The following PREPL variants were observed in gnomAD, a reference collection of about 807,000 sequenced individuals.
PREPL encodes the protein prolyl endopeptidase like.
A neutral mutation model predicts 70.6 loss-of-function variants in PREPL; 77 were observed. The observed-to-expected ratio is 1.09, with a 90% CI of 0.91 to 1.32. PREPL has a LOEUF of 1.32. Among genes scored for constraint, PREPL ranks in the 40% most tolerant of loss-of-function variants. PREPL has a pLI of 0.00. For missense variants in PREPL, 1,002 were observed against 778.2 expected (o/e 1.29, Z -3.42); for synonymous variants, 315 against 264.8 (o/e 1.19, Z -1.84).
chr2:44,335,856 C>A (rs1572874307), intron 7 of PREPL, among the ~76,000 whole-genome samples: 1 of 150,460 alleles, frequency 6.6e-6, no homozygotes, highest in African/African-American at 2.4e-5. Flanking sequence ...CAAACAAAAA[C>A]AGAAAAAAAC....
At chr2:44,330,334 G>C (rs992752824) in intron 8 of PREPL, among the ~76,000 whole-genome samples, 29 of 152,206 alleles carry the variant, frequency 1.9e-4, no homozygotes, top group African/African-American at 5.8e-4. Flanking sequence ...CTTCCATTCA[G>C]CAGCTGCTTC....
intron 10 of PREPL, among the ~76,000 whole-genome samples, chr2:44,326,098 C>G (rs1010393891): frequency 2.0e-5 from 3 of 152,186 alleles, no homozygotes; most frequent in African/African-American, 7.2e-5. Flanking sequence ...TCACAGCGTG[C>G]TTTGCCTGGC....
chr2:44,339,814 G>A (rs1194803984), intron 5 of PREPL, among the ~76,000 whole-genome samples: 1 of 152,090 alleles, frequency 6.6e-6, no homozygotes, highest in Non-Finnish European at 1.5e-5. Flanking sequence ...GACACAAATA[G>A]GGAATAAAAG....
Position 44,321,298 on chromosome 2 carries a change from G to T in PREPL, c.*58C>A, listed in dbSNP as rs1007452120. On this transcript the variant is annotated 3_prime_UTR_variant, in exon 14 of 14. Coordinates refer to ENST00000409411, the MANE Select transcript of PREPL (RefSeq NM_001171613.2). ...TAATTTTTTTTTTGCTAACTCAATT[G>T]GAAGTAAGACTATGAAATATTTCAG... 3.0e-6 allele frequency: 4 copies of T among 1,346,806 alleles called. No individual in the cohort carries two copies. The highest frequency in any genetic ancestry group is 4.1e-6 in the Non-Finnish European group (4 of 965,706). The allele number at this position is 1,346,806 out of a possible 1,614,324, so 83.4% of individuals were successfully genotyped here.
chr2:44,321,415 C>T lies in PREPL; in HGVS notation c.1858G>A (p.Glu620Lys), dbSNP rs1444565367. The T allele has an allele frequency of 6.2e-7, 1 of 1,612,960 alleles. No homozygotes were observed. Among genetic ancestry groups the T allele is most frequent in the Non-Finnish European group, 8.5e-7 (1 of 1,179,268 alleles). The change falls in exon 14 of 14, where the codon GAA (glutamate) becomes AAA (lysine). Residue 620 changes from glutamate (E) to lysine (K), a missense_variant. By Grantham distance (56) the Glu-to-Lys change is moderately conservative (BLOSUM62 1). Transcript: ENST00000409411. Reference sequence around the variant, plus strand: ...ACACTGGTGCTGTCAAGTCCAAGTTCCTCGTACAGGAATTTAATTTGGGCT... The same window carrying T: ...ACACTGGTGCTGTCAAGTCCAAGTTTCTCGTACAGGAATTTAATTTGGGCT... ...ITAQIKFLYE[E>K]LGLDSTSVFE... is the part of the protein sequence containing the mutation.
chr2:44,354,548 T>C (rs1676803750), intron 1 of PREPL, among the ~76,000 whole-genome samples: 1 of 151,892 alleles, frequency 6.6e-6, no homozygotes. Flanking sequence ...TCCACTTTAC[T>C]AGTGAGTTAT....
At chr2:44,357,970 C>T (rs1175371684) in intron 1 of PREPL, among the ~76,000 whole-genome samples, 1 of 152,006 alleles carries the variant, frequency 6.6e-6, no homozygotes, top group Non-Finnish European at 1.5e-5. Flanking sequence ...AAGACTAAAA[C>T]ATAAACAGTA....
intron 7 of PREPL, among the ~76,000 whole-genome samples, chr2:44,335,982 T>A (rs777034733): frequency 4.6e-5 from 7 of 151,938 alleles, no homozygotes; most frequent in Non-Finnish European, 1.0e-4. Context: ...ATTAGAGGAA[T>A]GCAAATCTAA....
intron 7 of PREPL, among the ~76,000 whole-genome samples, chr2:44,333,418 C>T (rs540244277): frequency 1.3e-4 from 19 of 151,956 alleles, no homozygotes; most frequent in African/African-American, 4.6e-4. Context: ...GAAATGGTAC[C>T]GAGAGGCAGA....
chr2:44,336,604 A>G (rs1572876292), intron 7 of PREPL, among the ~76,000 whole-genome samples: 2 of 152,148 alleles, frequency 1.3e-5, no homozygotes, highest in East Asian at 3.8e-4. Context: ...GGGTGACAAA[A>G]TAATACGTAT....
chr2:44,340,417 T>C (rs535497012), intron 5 of PREPL, among the ~76,000 whole-genome samples: 44 of 152,288 alleles, frequency 2.9e-4, no homozygotes, highest in Non-Finnish European at 4.9e-4. Context: ...ATTTATATTT[T>C]TCCTTATTAT....
intron 8 of PREPL, among the ~76,000 whole-genome samples, chr2:44,331,656 TCTAGA>T (rs879750660): frequency 2.0e-5 from 3 of 152,196 alleles, no homozygotes; most frequent in Non-Finnish European, 4.4e-5. Flanking sequence ...CCCTGATCTC[TCTAGA>T]CTAGGTAAAA....
intron 7 of PREPL, among the ~76,000 whole-genome samples, chr2:44,335,934 C>T (rs372933633): frequency 2.6e-5 from 4 of 151,710 alleles, no homozygotes; most frequent in African/African-American, 9.7e-5. Flanking sequence ...TACATGCAGC[C>T]AACAAGCATA....
chr2:44,353,485 G>C (rs890766309), intron 1 of PREPL, among the ~76,000 whole-genome samples: 8 of 152,040 alleles, frequency 5.3e-5, no homozygotes, highest in African/African-American at 1.9e-4. Context: ...CTACTCGGGG[G>C]GCCTTGGCAG....
In PREPL at chr2:44,321,037, G is replaced by T; in HGVS notation, c.*319C>A. On this transcript the variant is annotated 3_prime_UTR_variant, in exon 14 of 14. Transcript: ENST00000409411. ...TAGCAAAGAGGCAGGACACTAATTT[G>T]TAAACTGCTCAACTGTTCTGACTGG... is the stretch of plus-strand genomic sequence containing the variant. 2.5e-6 allele frequency: 1 copy of T among 394,682 alleles called. No individual in the cohort carries two copies. The allele number at this position is 394,682 out of a possible 1,614,324, so 24.4% of individuals were successfully genotyped here.
intron 1 of PREPL, among the ~76,000 whole-genome samples, chr2:44,355,750 A>AC (rs1558521865): frequency 2.0e-4 from 13 of 63,434 alleles, no homozygotes; most frequent in African/African-American, 1.1e-3. Flanking sequence ...AAAACTACAT[A>AC]TTATATATAT....
chr2:44,331,828 C>G (rs532280626), intron 8 of PREPL, among the ~76,000 whole-genome samples: 1 of 152,258 alleles, frequency 6.6e-6, no homozygotes, highest in South Asian at 2.1e-4. Flanking sequence ...TCAACTACCA[C>G]CTTCACTATT....
rs781374553 is a variant in PREPL, at chr2:44,328,965, C to A, written c.1234G>T (p.Gly412Ter). The stretch of plus-strand genomic sequence containing the variant: ...ACATGGCAGTATGCTAATATCCATC[C>A]ATCATCCACCAGGACCCGCCTCTCA... ...RPERRVLVDD[G>*]WILAYCHVRG... The change falls in exon 9 of 14, where the codon GGA (glycine) becomes TGA (stop). Residue 412 changes from glycine (G) to a stop codon, truncating the protein, a stop_gained. Transcript: ENST00000409411. LOFTEE classifies it high-confidence loss of function. 1 of 1,613,794 alleles carries A rather than the reference C, an allele frequency of 6.2e-7. No individual in the cohort carries two copies. Among genetic ancestry groups the A allele is most frequent in the East Asian group, 2.2e-5 (1 of 44,876 alleles).
In PREPL at chr2:44,318,217, A is replaced by G. The variant is rs775434182; in HGVS notation, c.*3139T>C. 1.8e-5 allele frequency: 7 copies of G among 380,992 alleles called. No homozygotes were observed. Among genetic ancestry groups the G allele is most frequent in the Admixed American group, 3.3e-5 (1 of 29,882 alleles). 23.6% of individuals were successfully genotyped at this position (380,992 alleles called of 1,614,324 possible). ...GTGATTCTCCTGCTGCAGCCTCCCA[A>G]GTAGCTGGGATTACAGGTGCACGTC... On this transcript the variant is annotated 3_prime_UTR_variant, in exon 14 of 14. Transcript: ENST00000409411.
Sources: gnomAD v4.1 joint callset for allele counts (sites outside exome capture counted in the v4.1 genomes callset) on GRCh38, gnomAD v4.1.1 for gene constraint, MANE v1.5 for transcripts, NCBI Gene and HGNC (gene_info 2026-07-23, HGNC 2026-07-21) for gene names.